CFAP61: variants seen among roughly 807,000 people sequenced by gnomAD.
The protein encoded by CFAP61 is cilia- and flagella-associated protein 61.
A neutral mutation model predicts 135.6 loss-of-function variants in CFAP61; 107 were observed. The observed-to-expected ratio is 0.79, with a 90% CI of 0.67 to 0.93. The LOEUF (loss-of-function observed/expected upper bound fraction) is 0.93. Among genes scored for constraint, CFAP61 ranks in the 40% least tolerant of loss-of-function variants. The pLI is 0.00. For missense variants in CFAP61, 1,507 were observed against 1,556.2 expected (o/e 0.97, Z 0.53); for synonymous variants, 575 against 578.5 (o/e 0.99, Z 0.09).
intron 17 of CFAP61, among the ~76,000 whole-genome samples, chr20:20,207,890 G>C (rs997255155): frequency 3.3e-5 from 5 of 152,158 alleles, no homozygotes; most frequent in African/African-American, 1.2e-4. Context: ...TATGCTATTA[G>C]ATATGGGGTT....
rs141122441 is a variant in CFAP61 at position 20,348,392 on chromosome 20, T to C, written c.3513+6471T>C. 7.3e-3 allele frequency among the ~76,000 whole-genome samples: 1,110 copies of C among 152,006 alleles called. 20 individuals carry two copies. The highest frequency in any genetic ancestry group is 0.026 in the African/African-American group (1,064 of 41,432). ...GAATCAATGTAATACACCATTTTAATAGAACAAAGGGGAGGCTGGGTGCAG... is the reference window on the plus strand; with the variant it reads ...GAATCAATGTAATACACCATTTTAACAGAACAAAGGGGAGGCTGGGTGCAG... On this transcript the variant is annotated intron_variant, in intron 26 of 26. Coordinates refer to ENST00000245957, the MANE Select transcript of CFAP61 (RefSeq NM_015585.4).
chr20:20,307,787 A>G (rs1280645794), intron 25 of CFAP61, among the ~76,000 whole-genome samples: 1 of 152,198 alleles, frequency 6.6e-6, no homozygotes, highest in Non-Finnish European at 1.5e-5. Context: ...CTGGTGCTTT[A>G]CTTAGAATAA....
chr20:20,274,099 G>A (rs1485416735), intron 21 of CFAP61, among the ~76,000 whole-genome samples: 6 of 152,150 alleles, frequency 3.9e-5, no homozygotes, highest in Non-Finnish European at 5.9e-5. Context: ...ATATTTTGCT[G>A]TATGACAACA....
chr20:20,216,513 A>G (rs2048045067), intron 17 of CFAP61, among the ~76,000 whole-genome samples: 2 of 152,244 alleles, frequency 1.3e-5, no homozygotes, highest in Non-Finnish European at 2.9e-5. Context: ...CACAGCTGTC[A>G]TCACATAGGT....
rs2047787891 is a variant in CFAP61, at chr20:20,098,794, T to C, written c.839T>C (p.Leu280Pro). 3.7e-6 allele frequency: 6 copies of C among 1,612,756 alleles called. No homozygotes were observed. Among genetic ancestry groups the C allele is most frequent in the Non-Finnish European group, 5.1e-6 (6 of 1,179,580 alleles). ...GACGTTCTGGAATCACCACAAGACC[T>C]AAGTGTCCGAAGAAGTCAAGGTACA... ...PDDVLESPQDLSVRRSQDAEL... is the reference protein window; with the variant it reads ...PDDVLESPQDPSVRRSQDAEL... The change falls in exon 8 of 27, where the codon CTA (leucine) becomes CCA (proline). Residue 280 changes from leucine (L) to proline (P), a missense_variant. Transcript: ENST00000245957.
chr20:20,320,482 TATAA>T, intron 25 of CFAP61, among the ~76,000 whole-genome samples: 1 of 129,234 alleles, frequency 7.7e-6, no homozygotes, highest in African/African-American at 3.4e-5. Context: ...ATATGTAATA[TATAA>T]TATATGTAAT....
chr20:20,058,284 A>C (rs1190915042), intron 2 of CFAP61, among the ~76,000 whole-genome samples: 1 of 152,210 alleles, frequency 6.6e-6, no homozygotes, highest in Admixed American at 6.5e-5. Flanking sequence ...ATTATGGTGG[A>C]CTCAGTACCT....
chr20:20,166,196 C>G (rs1383646369), intron 11 of CFAP61, among the ~76,000 whole-genome samples: 1 of 152,200 alleles, frequency 6.6e-6, no homozygotes, highest in African/African-American at 2.4e-5. Flanking sequence ...TGTGAAAGTG[C>G]CTTCAGTTCT....
At chr20:20,148,457 A>G (rs1489404153) in intron 9 of CFAP61, among the ~76,000 whole-genome samples, 1 of 151,996 alleles carries the variant, frequency 6.6e-6, no homozygotes, top group Non-Finnish European at 1.5e-5. Flanking sequence ...TTCCTTGTAG[A>G]TCTTTCACCT....
intron 7 of CFAP61, 96 bp from the exon 8 acceptor site, chr20:20,098,559 A>G (rs1256552663): frequency 1.3e-5 from 15 of 1,152,000 alleles, no homozygotes; most frequent in East Asian, 7.4e-5. Context: ...CGGTGAGCCA[A>G]GATACACCAC....
chr20:20,290,165 A>T (rs1372863350), intron 23 of CFAP61, 135 bp from the exon 24 acceptor site: 4 of 652,354 alleles, frequency 6.1e-6, no homozygotes, highest in Non-Finnish European at 1.1e-5. Context: ...CCTTGTTGTT[A>T]GTGGTACTTT....
chr20:20,099,488 A>G (rs6046620), intron 8 of CFAP61, among the ~76,000 whole-genome samples: 115,041 of 152,020 alleles, frequency 0.76, 43,862 homozygotes, highest in East Asian at 0.99. Context: ...ACAGATGCAG[A>G]CAGGCAAGTT....
chr20:20,245,410 C>A (rs894816768), intron 18 of CFAP61, among the ~76,000 whole-genome samples: 1 of 152,132 alleles, frequency 6.6e-6, no homozygotes, highest in Non-Finnish European at 1.5e-5. Context: ...TGGCAGCAGG[C>A]AAAGAGAGAG....
chr20:20,113,953 A>C (rs1282988198), intron 8 of CFAP61, among the ~76,000 whole-genome samples: 2 of 147,060 alleles, frequency 1.4e-5, no homozygotes, highest in Non-Finnish European at 3.0e-5. Context: ...TTTTCCACAT[A>C]AACATGAGAG....
chr20:20,142,842 T>A lies in CFAP61; in HGVS notation c.860-15T>A. 6.8e-7 allele frequency: 1 copy of A among 1,478,628 alleles called. No individual in the cohort carries two copies. The highest frequency in any genetic ancestry group is 9.4e-7 in the Non-Finnish European group (1 of 1,064,172). 91.6% of individuals were successfully genotyped at this position (1,478,628 alleles called of 1,614,324 possible). ...TCATCTATTTTCTGTCATTATTCTA[T>A]CCCTTCTCTCAAAGATGCTGAGCTC... On this transcript the variant is annotated splice_polypyrimidine_tract_variant and intron_variant, in intron 8 of 26. Coordinates refer to ENST00000245957, the MANE Select transcript of CFAP61 (RefSeq NM_015585.4).
At chr20:20,169,682 A>T (rs1338378894) in intron 13 of CFAP61, among the ~76,000 whole-genome samples, 1 of 152,256 alleles carries the variant, frequency 6.6e-6, no homozygotes, top group Non-Finnish European at 1.5e-5. Context: ...GCTCCACAAT[A>T]ATCAAGACAA....
chr20:20,309,501 A>C (rs986675104), intron 25 of CFAP61, among the ~76,000 whole-genome samples: 19 of 152,218 alleles, frequency 1.2e-4, no homozygotes, highest in Non-Finnish European at 1.0e-4. Context: ...CAGGTGAGGC[A>C]AGGGAGAACC....
intron 17 of CFAP61, among the ~76,000 whole-genome samples, chr20:20,204,270 C>T (rs1324384595): frequency 6.6e-6 from 1 of 152,132 alleles, no homozygotes; most frequent in Non-Finnish European, 1.5e-5. Flanking sequence ...GATTAAATCT[C>T]AACTAATGAA....
At chr20:20,172,379 C>T (rs2054288680) in intron 13 of CFAP61, 3 of 673,376 alleles carry the variant, frequency 4.5e-6, no homozygotes, top group Admixed American at 6.3e-5. Flanking sequence ...TGCAATGGCA[C>T]AATCATGGCT....
Sources: gnomAD v4.1 joint callset for allele counts (sites outside exome capture counted in the v4.1 genomes callset) on GRCh38, gnomAD v4.1.1 for gene constraint, MANE v1.5 for transcripts, NCBI Gene and HGNC (gene_info 2026-07-23, HGNC 2026-07-21) for gene names.